The following EGFR variants were observed in gnomAD, a reference collection of about 807,000 sequenced individuals.
EGFR encodes avian erythroblastic leukemia viral (v-erb-b) oncogene homolog.
In EGFR, 58 loss-of-function variants were observed where a neutral mutation model predicts 143.0. The ratio of observed to expected loss-of-function variants is 0.41; its 90% CI spans 0.33 to 0.50. The LOEUF (loss-of-function observed/expected upper bound fraction) is 0.50, where lower values mean the gene tolerates loss of function less well. Ranked by LOEUF, EGFR falls within the 20% of genes least tolerant of loss-of-function variation. The pLI is 0.39. For synonymous variants in EGFR, 613 were observed against 594.4 expected, an observed-to-expected ratio of 1.03 and a Z score of -0.45; for missense variants, 1,307 against 1,579.0, an observed-to-expected ratio of 0.83 and a Z score of 2.92.
At chr7:55,055,796 G>A (rs1457456555) in intron 1 of EGFR, among the ~76,000 whole-genome samples, 1 of 151,930 alleles carries the variant, frequency 6.6e-6, no homozygotes, top group Non-Finnish European at 1.5e-5. Flanking sequence ...ACTCCTTCGA[G>A]TGTGAGTCAT....
chr7:55,180,997 G>A, intron 19 of EGFR: 2 of 525,408 alleles, frequency 3.8e-6, no homozygotes, highest in Non-Finnish European at 6.9e-6. Flanking sequence ...GAGATCAGGT[G>A]ACTCCGACTC....
chr7:55,066,024 AGTTTTT>A (rs1385839685), intron 1 of EGFR, among the ~76,000 whole-genome samples: 1 of 152,116 alleles, frequency 6.6e-6, no homozygotes, highest in Non-Finnish European at 1.5e-5. Flanking sequence ...TTTCTAGCAC[AGTTTTT>A]CCTCGCAGTG....
intron 19 of EGFR, among the ~76,000 whole-genome samples, chr7:55,178,802 TAGAG>T (rs1412751678): frequency 6.6e-6 from 1 of 152,210 alleles, no homozygotes; most frequent in South Asian, 2.1e-4. Flanking sequence ...TCCTTGAAAA[TAGAG>T]AGCCTAAACA....
intron 20 of EGFR, 53 bp from the exon 21 acceptor site, chr7:55,191,666 G>A (rs2128964236): frequency 6.2e-7 from 1 of 1,610,912 alleles, no homozygotes; most frequent in Non-Finnish European, 8.5e-7. Context: ...TTCGGATGCA[G>A]AGCTTCTTCC....
At chr7:55,146,284 G>A (rs957528022) in intron 3 of EGFR, among the ~76,000 whole-genome samples, 1 of 152,064 alleles carries the variant, frequency 6.6e-6, no homozygotes, top group Non-Finnish European at 1.5e-5. Flanking sequence ...CAGCCAATCA[G>A]CCCCTTGGGA....
In EGFR at chr7:55,208,944, C is replaced by T. The variant is rs1423952602; in HGVS notation, c.*3327C>T. 1.3e-5 allele frequency: 2 copies of T among 152,168 alleles called. No individual in the cohort carries two copies. Among genetic ancestry groups the T allele is most frequent in the African/African-American group, 4.8e-5 (2 of 41,434 alleles). 9.4% of individuals were successfully genotyped at this position (152,168 alleles called of 1,614,324 possible). A position where few individuals can be genotyped will look rare whatever the true frequency, so the allele number is the denominator to read the frequency against. On this transcript the variant is annotated 3_prime_UTR_variant, in exon 28 of 28. Transcript: ENST00000275493. ...GTTATTGCAACATTCATCAAAGTTT[C>T]TAGAACCTCTGGCCTAAAGGAAGGG...
intron 1 of EGFR, among the ~76,000 whole-genome samples, chr7:55,037,063 C>T (rs1787626481): frequency 6.6e-6 from 1 of 152,202 alleles, no homozygotes; most frequent in Admixed American, 6.5e-5. Flanking sequence ...CCCAGGGCCT[C>T]CCAGCTCACC....
intron 1 of EGFR, among the ~76,000 whole-genome samples, chr7:55,023,512 G>A (rs990343623): frequency 3.3e-5 from 5 of 152,028 alleles, no homozygotes; most frequent in African/African-American, 7.2e-5. Flanking sequence ...TTAGCTGGGC[G>A]TGGTGGCAGG....
At chr7:55,166,427 C>A (rs1785984275) in intron 15 of EGFR, 1 of 501,216 alleles carries the variant, frequency 2.0e-6, no homozygotes, top group Non-Finnish European at 3.9e-6. Flanking sequence ...CTGTGCCTCA[C>A]TTTCTTTTCT....
At chr7:55,019,395 C>T (rs777050291) in intron 1 of EGFR, 30 bp downstream of exon 1, 3 of 1,365,114 alleles carry the variant, frequency 2.2e-6, no homozygotes, top group Non-Finnish European at 2.9e-6. Context: ...GCTCCCGCGC[C>T]GCCCCCGGAT....
chr7:55,020,949 T>C (rs1212589345), intron 1 of EGFR, among the ~76,000 whole-genome samples: 1 of 151,914 alleles, frequency 6.6e-6, no homozygotes, highest in African/African-American at 2.4e-5. Flanking sequence ...TCTGATTTAA[T>C]TGGCATGGGG....
chr7:55,205,780 G>C lies in EGFR; in HGVS notation c.*163G>C. ...ACTAGCCAGGAAGTACTTCCACCTC[G>C]GGCACATTTTGGGAAGTTGCATTCC... On this transcript the variant is annotated 3_prime_UTR_variant, in exon 28 of 28. Transcript: ENST00000275493. The C allele has an allele frequency of 9.1e-7, 1 of 1,099,478 alleles. No homozygotes were observed. Among genetic ancestry groups the C allele is most frequent in the Non-Finnish European group, 1.3e-6 (1 of 759,672 alleles). 68.1% of individuals were successfully genotyped at this position (1,099,478 alleles called of 1,614,324 possible). A position where few individuals can be genotyped will look rare whatever the true frequency, so the allele number is the denominator to read the frequency against.
intron 11 of EGFR, among the ~76,000 whole-genome samples, chr7:55,158,142 C>G (rs1032921126): frequency 2.0e-5 from 3 of 152,232 alleles, no homozygotes; most frequent in Non-Finnish European, 4.4e-5. Flanking sequence ...GTCTGTTCAG[C>G]TGGTGTTTTC....
At chr7:55,155,041 A>G (rs1194020456) in intron 7 of EGFR, among the ~76,000 whole-genome samples, 2 of 152,242 alleles carry the variant, frequency 1.3e-5, no homozygotes, top group Non-Finnish European at 2.9e-5. Context: ...TTTAAAATCC[A>G]TAGGAAAACA....
intron 1 of EGFR, among the ~76,000 whole-genome samples, chr7:55,031,579 A>G (rs1787249934): frequency 6.6e-6 from 1 of 152,230 alleles, no homozygotes; most frequent in African/African-American, 2.4e-5. Flanking sequence ...ATCTGAGTCC[A>G]TCTTTCCTTA....
chr7:55,060,591 A>G (rs1789110094), intron 1 of EGFR, among the ~76,000 whole-genome samples: 1 of 152,160 alleles, frequency 6.6e-6, no homozygotes, highest in Admixed American at 6.5e-5. Flanking sequence ...CTTCTTCAGT[A>G]TGGCCAAAGT....
intron 1 of EGFR, among the ~76,000 whole-genome samples, chr7:55,101,376 T>C (rs77420374): frequency 0.015 from 2,347 of 152,346 alleles, 62 homozygotes; most frequent in African/African-American, 0.054. Context: ...GTTCTTTCTG[T>C]CGCTCTATTT....
At chr7:55,188,586 A>C (rs1285255100) in intron 20 of EGFR, among the ~76,000 whole-genome samples, 1 of 152,188 alleles carries the variant, frequency 6.6e-6, no homozygotes, top group Non-Finnish European at 1.5e-5. Context: ...CTCGGAGAAG[A>C]AGCAGGAACT....
chr7:55,188,379 C>G (rs1246557129), intron 20 of EGFR, among the ~76,000 whole-genome samples: 1 of 152,216 alleles, frequency 6.6e-6, no homozygotes, highest in South Asian at 2.1e-4. Flanking sequence ...ACACAGCCCC[C>G]GCCCCTCACT....
Sources: allele counts gnomAD v4.1 joint callset (sites outside exome capture counted in the v4.1 genomes callset), GRCh38; gene constraint gnomAD v4.1.1; transcripts MANE v1.5; gene names NCBI Gene and HGNC (gene_info 2026-07-23, HGNC 2026-07-21).